IFT43: variants seen among roughly 807,000 people sequenced by gnomAD.
IFT43 encodes intraflagellar transport protein 43 homolog.
A neutral mutation model predicts 32.3 loss-of-function variants in IFT43; 33 were observed. The observed-to-expected ratio is 1.02, with a 90% CI of 0.77 to 1.37. The LOEUF (loss-of-function observed/expected upper bound fraction) is 1.37, where lower values mean the gene tolerates loss of function less well. IFT43 is among the 40% of genes most tolerant of loss of function. The pLI, the probability that IFT43 is intolerant of heterozygous loss-of-function variation, is 0.00. For synonymous variants in IFT43, 93 were observed against 98.2 expected (o/e 0.95, Z 0.31); for missense variants, 274 against 265.9 (o/e 1.03, Z -0.21).
At chr14:76,001,178 A>T (rs913309067) in intron 2 of IFT43, among the ~76,000 whole-genome samples, 1 of 152,154 alleles carries the variant, frequency 6.6e-6, no homozygotes, top group Non-Finnish European at 1.5e-5. Context: ...CTGGACGGGG[A>T]TGGATCCAGG....
At chr14:75,999,283 T>A (rs1325944843) in intron 2 of IFT43, among the ~76,000 whole-genome samples, 3,133 of 31,160 alleles carry the variant, frequency 0.1, 110 homozygotes, top group Non-Finnish European at 0.15. Flanking sequence ...GTATATATAT[T>A]TTTTTTTTTT....
chr14:76,058,995 T>G, intron 4 of IFT43: 2 of 1,429,018 alleles, frequency 1.4e-6, no homozygotes, highest in Non-Finnish European at 1.8e-6. Flanking sequence ...AAGCCTTGCC[T>G]TCTCATAAGA....
chr14:76,046,202 G>A (rs1054973556), intron 3 of IFT43, among the ~76,000 whole-genome samples: 2 of 152,052 alleles, frequency 1.3e-5, no homozygotes, highest in Non-Finnish European at 1.5e-5. Context: ...AGCAGAAGAT[G>A]GAAAAAAATG....
At chr14:76,077,728 C>T (rs943289700) in intron 5 of IFT43, among the ~76,000 whole-genome samples, 2 of 152,148 alleles carry the variant, frequency 1.3e-5, no homozygotes, top group Non-Finnish European at 2.9e-5. Flanking sequence ...CTCTGGATTT[C>T]CCCCCATCAT....
chr14:76,076,716 G>T, intron 5 of IFT43: 1 of 1,613,602 alleles, frequency 6.2e-7, no homozygotes, highest in Non-Finnish European at 8.5e-7. Context: ...GTCAGTCTAC[G>T]GGAACTGAAA....
intron 2 of IFT43, among the ~76,000 whole-genome samples, chr14:75,995,939 C>T (rs1175897286): frequency 6.6e-6 from 1 of 152,204 alleles, no homozygotes; most frequent in Non-Finnish European, 1.5e-5. Context: ...TGACCCATCC[C>T]TGGGGCCGGC....
chr14:76,069,362 T>C (rs756947129), intron 5 of IFT43, among the ~76,000 whole-genome samples: 1 of 151,600 alleles, frequency 6.6e-6, no homozygotes. Flanking sequence ...CAGAGTAGAG[T>C]TGTCAGAAAA....
chr14:76,025,137 A>C (rs1477105735), intron 3 of IFT43, among the ~76,000 whole-genome samples: 1 of 152,204 alleles, frequency 6.6e-6, no homozygotes, highest in Non-Finnish European at 1.5e-5. Context: ...TAACTACTTA[A>C]GATATACACA....
At chr14:75,995,419 G>A (rs957804207) in intron 2 of IFT43, among the ~76,000 whole-genome samples, 1 of 152,150 alleles carries the variant, frequency 6.6e-6, no homozygotes, top group Non-Finnish European at 1.5e-5. Context: ...AGTCACAGCT[G>A]TTCCCTTTCT....
intron 3 of IFT43, among the ~76,000 whole-genome samples, chr14:76,028,742 G>C (rs1226974943): frequency 6.6e-6 from 1 of 152,224 alleles, no homozygotes; most frequent in South Asian, 2.1e-4. Context: ...TGTTTGCTTA[G>C]GATAATGGCC....
At chr14:76,055,392 G>GACT (rs2036993598) in intron 3 of IFT43, among the ~76,000 whole-genome samples, 1 of 151,550 alleles carries the variant, frequency 6.6e-6, no homozygotes, top group African/African-American at 2.4e-5. Context: ...TATACTTCAT[G>GACT]ACTGGGTATG....
rs986544360 is a variant in IFT43, at chr14:76,036,775, C to T, written c.215+14381C>T. On this transcript the variant is annotated intron_variant, in intron 3 of 8. Transcript: ENST00000314067. ...CCACCCCCCTATGTTTTCCCAATGC[C>T]ATTGATCTTCTCTTCCTCCCTCCCT... 1.2e-4 allele frequency among the ~76,000 whole-genome samples: 18 copies of T among 151,604 alleles called. 1 individual carries two copies. Among genetic ancestry groups the T allele is most frequent in the Admixed American group, 9.2e-4 (14 of 15,198 alleles).
intron 2 of IFT43, among the ~76,000 whole-genome samples, chr14:75,992,185 A>G (rs1194777937): frequency 6.6e-6 from 1 of 152,214 alleles, no homozygotes; most frequent in Non-Finnish European, 1.5e-5. Context: ...GAAAGAACAC[A>G]GGGCTTCGCA....
At chr14:76,042,461 C>G (rs905390833) in intron 3 of IFT43, among the ~76,000 whole-genome samples, 1 of 152,132 alleles carries the variant, frequency 6.6e-6, no homozygotes, top group Non-Finnish European at 1.5e-5. Flanking sequence ...CCTGAGGGCT[C>G]TTTTGACAAG....
chr14:76,064,238 T>G (rs148303545), intron 5 of IFT43, among the ~76,000 whole-genome samples: 18 of 152,336 alleles, frequency 1.2e-4, no homozygotes, highest in Non-Finnish European at 1.5e-4. Flanking sequence ...AAATATGAGA[T>G]CTTGCATTTC....
intron 3 of IFT43, among the ~76,000 whole-genome samples, chr14:76,032,849 A>G (rs927810886): frequency 6.6e-6 from 1 of 152,226 alleles, no homozygotes; most frequent in African/African-American, 2.4e-5. Context: ...TAGAGTTAAT[A>G]GAAATACCAG....
intron 3 of IFT43, among the ~76,000 whole-genome samples, chr14:76,057,245 T>A (rs1032836046): frequency 1.3e-5 from 2 of 152,024 alleles, no homozygotes; most frequent in African/African-American, 4.8e-5. Flanking sequence ...TATTATTATT[T>A]TTTTTGAGAC....
At chr14:76,063,694 A>G (rs1356190367) in intron 5 of IFT43, among the ~76,000 whole-genome samples, 1 of 152,182 alleles carries the variant, frequency 6.6e-6, no homozygotes, top group Non-Finnish European at 1.5e-5. Context: ...ATACTCTCTC[A>G]TGGCGGGAAA....
intron 5 of IFT43, among the ~76,000 whole-genome samples, chr14:76,079,600 T>A (rs930376123): frequency 6.6e-6 from 1 of 152,188 alleles, no homozygotes; most frequent in African/African-American, 2.4e-5. Context: ...CCTGACCTCA[T>A]TGCAGCTGTT....
Sources: gnomAD v4.1 joint callset for allele counts (sites outside exome capture counted in the v4.1 genomes callset) on GRCh38, gnomAD v4.1.1 for gene constraint, MANE v1.5 for transcripts, NCBI Gene and HGNC (gene_info 2026-07-23, HGNC 2026-07-21) for gene names.